The following TKTL1 variants were observed in gnomAD, a reference collection of about 807,000 sequenced individuals.
TKTL1 encodes the protein transketolase like 1, also known as transketolase-like protein 1.
Under a neutral mutation model 39.3 loss-of-function variants are expected in TKTL1, and 1 was observed. That is an observed-to-expected ratio of 0.03 (90% CI 0.01 to 0.12). TKTL1 has a LOEUF of 0.12. Among genes scored for constraint, TKTL1 ranks in the 10% least tolerant of loss-of-function variants. The probability of loss-of-function intolerance (pLI) is 1.00; values close to 1 mark genes in which losing one functional copy is unlikely to be tolerated. For missense variants in TKTL1, 575 were observed against 509.6 expected (o/e 1.13, Z -1.24); for synonymous variants, 262 against 193.8 (o/e 1.35, Z -2.92).
intron 2 of TKTL1, among the ~76,000 whole-genome samples, chrX:154,308,661 A>C (rs367723669): frequency 9.0e-6 from 1 of 110,742 alleles, no homozygotes; most frequent in East Asian, 2.9e-4. Flanking sequence ...GGGCCTCTCC[A>C]GTCAGTGCAG....
intron 1 of TKTL1, among the ~76,000 whole-genome samples, chrX:154,296,965 C>T (rs1237084252): frequency 8.9e-6 from 1 of 111,869 alleles, no homozygotes; most frequent in Non-Finnish European, 1.9e-5. Context: ...GCACTCCAGC[C>T]TGGGCAAGAG....
Position 154,303,379 on chromosome X carries a change from A to ATTTTT in TKTL1, c.135-1897_135-1893dup, listed in dbSNP as rs1172255094. On this transcript the variant is annotated intron_variant, in intron 1 of 12. Coordinates refer to ENST00000369915, the MANE Select transcript of TKTL1 (RefSeq NM_012253.4). ...AGGTGCATGCCACCCTGCCCAGCTA[A>ATTTTT]TTTTTTTTTTTTTTTTTTTTTTTTT... Among the ~76,000 whole-genome samples the ATTTTT allele has an allele frequency of 4.0e-3, 136 of 33,662 alleles. 11 individuals carry two copies. The highest frequency in any genetic ancestry group is 5.1e-3 in the Non-Finnish European group (98 of 19,393). 29.2% of individuals were successfully genotyped at this position (33,662 alleles called of 115,157 possible).
chrX:154,323,455 G>A, intron 9 of TKTL1, 118 bp downstream of exon 9: 1 of 878,433 alleles, frequency 1.1e-6, no homozygotes, highest in East Asian at 3.2e-5. Context: ...TAGAAAATTT[G>A]GTGATAGAAT....
intron 1 of TKTL1, among the ~76,000 whole-genome samples, chrX:154,302,445 C>G (rs1557166186): frequency 9.0e-6 from 1 of 111,149 alleles, no homozygotes; most frequent in African/African-American, 3.3e-5. Flanking sequence ...ATGGTCAGTT[C>G]TGGCGAGGAC....
At chrX:154,314,377 A>G (rs1407656619) in intron 6 of TKTL1, among the ~76,000 whole-genome samples, 3 of 111,733 alleles carry the variant, frequency 2.7e-5, no homozygotes, top group African/African-American at 9.8e-5. Flanking sequence ...TACATTAAAA[A>G]AATTAAATGA....
rs1557168637 is a variant in TKTL1 at position 154,312,737 on chromosome X, G to A, written c.828G>A (p.Arg276=). Residue 276 remains arginine (R), a synonymous_variant, in exon 6 of 13, where the codon AGG becomes AGA. Coordinates refer to ENST00000369915, the MANE Select transcript of TKTL1 (RefSeq NM_012253.4). ...CTGAAGTCAACATCACAGATGTAAG[G>A]ATGACCTCTCCACCTGATTACAGAG... is the stretch of plus-strand genomic sequence containing the variant. ...DSPEVNITDV[R]MTSPPDYRVG... The A allele has an allele frequency of 3.3e-6, 4 of 1,210,127 alleles. No individual in the cohort carries two copies. In the East Asian group the frequency reaches 8.9e-5, roughly 27 times the overall value.
rs782677354 is a variant in TKTL1 at position 154,327,604 on chromosome X, G to A, written c.1415G>A (p.Cys472Tyr). Residue 472 changes from cysteine (C) to tyrosine (Y), a missense_variant, in exon 11 of 13, where the codon TGT becomes TAT. Coordinates refer to ENST00000369915, the MANE Select transcript of TKTL1 (RefSeq NM_012253.4). Reference sequence around the variant, plus strand: ...GCACTATACCAGGTCCTCCGCCACTGTGTCAGTGACAAGGTCACAGTTATT... The same window carrying A: ...GCACTATACCAGGTCCTCCGCCACTATGTCAGTGACAAGGTCACAGTTATT... ...EIGQAKVLRHCVSDKVTVIGA... is the reference protein window; with the variant it reads ...EIGQAKVLRHYVSDKVTVIGA... 3 of 1,210,492 alleles carry A rather than the reference G, an allele frequency of 2.5e-6. No homozygotes were observed. Among genetic ancestry groups the A allele is most frequent in the Middle Eastern group, 2.3e-4 (1 of 4,348 alleles).
rs2067306873 is a variant in TKTL1 at position 154,305,324 on chromosome X, G to C, written c.155G>C (p.Ser52Thr). 8.3e-7 allele frequency: 1 copy of C among 1,208,321 alleles called. No individual in the cohort carries two copies. Among genetic ancestry groups the C allele is most frequent in the Non-Finnish European group, 1.1e-6 (1 of 892,849 alleles). Residue 52 changes from serine (S) to threonine (T), a missense_variant, in exon 2 of 13, where the codon AGT becomes ACT. Coordinates refer to ENST00000369915, the MANE Select transcript of TKTL1 (RefSeq NM_012253.4). ...TTCAGCCACCCTACATCATGTAGCA[G>C]TTCTTCTGAGATCATGTCTGTGCTG... Reference protein sequence around the residue: ...TSSGHPTSCSSSSEIMSVLFF... With the variant: ...TSSGHPTSCSTSSEIMSVLFF...
intron 10 of TKTL1, chrX:154,327,212 G>A (rs2067499621): frequency 3.0e-6 from 1 of 331,707 alleles, no homozygotes; most frequent in African/African-American, 2.6e-5. Context: ...CCACTGAACA[G>A]ATCTTACAGG....
At chrX:154,297,672 C>A (rs2148797132) in intron 1 of TKTL1, among the ~76,000 whole-genome samples, 1 of 111,422 alleles carries the variant, frequency 9.0e-6, no homozygotes, top group East Asian at 2.8e-4. Context: ...GGCGTGGTGG[C>A]TCCAACCTGT....
intron 2 of TKTL1, among the ~76,000 whole-genome samples, chrX:154,307,298 C>T (rs782381135): frequency 1.8e-5 from 2 of 111,779 alleles, no homozygotes; most frequent in African/African-American, 6.5e-5. Context: ...GGCTTTCTAT[C>T]GGGCAGCAGC....
At chrX:154,299,132 T>C (rs1258816078) in intron 1 of TKTL1, among the ~76,000 whole-genome samples, 4 of 107,502 alleles carry the variant, frequency 3.7e-5, no homozygotes, top group Non-Finnish European at 7.7e-5. Flanking sequence ...AAGGGATTTT[T>C]CATTTTCTTT....
At chrX:154,303,408 T>A (rs1399210636) in intron 1 of TKTL1, among the ~76,000 whole-genome samples, 1 of 87,099 alleles carries the variant, frequency 1.1e-5, no homozygotes, top group Non-Finnish European at 2.2e-5. Context: ...TTTTTTTTTT[T>A]TTTGGAAAGA....
intron 1 of TKTL1, 185 bp from the exon 2 acceptor site, chrX:154,305,119 G>A (rs782269913): frequency 3.1e-5 from 36 of 1,155,702 alleles, no homozygotes; most frequent in Non-Finnish European, 1.2e-6. Context: ...CACAGGGGGA[G>A]GGGTGGTGAG....
rs1001043583 is a variant in TKTL1 at position 154,325,203 on chromosome X, C to T, written c.1318-136C>T. 23 of 592,472 alleles carry T rather than the reference C, an allele frequency of 3.9e-5. No homozygotes were observed. The African/African-American group carries it at 4.0e-4, about 10-fold the overall frequency. The allele number at this position is 592,472 out of a possible 1,213,427, so 48.8% of individuals were successfully genotyped here. On this transcript the variant is annotated intron_variant, in intron 9 of 12. Coordinates refer to ENST00000369915, the MANE Select transcript of TKTL1 (RefSeq NM_012253.4). ...ACCTGTCGTCCACTGGTTGTAGATG[C>T]TCACCCCTTTCTCCAAAGCCTGTGT...
intron 10 of TKTL1, among the ~76,000 whole-genome samples, chrX:154,326,290 T>C (rs2067493088): frequency 8.9e-6 from 1 of 112,061 alleles, no homozygotes; most frequent in African/African-American, 3.2e-5. Context: ...GTCAGGGCCA[T>C]GCATAGAGAA....
In TKTL1 at chrX:154,315,095, A is replaced by G. The variant is rs782105910; in HGVS notation, c.865-78A>G. On this transcript the variant is annotated intron_variant, in intron 6 of 12. Transcript: ENST00000369915. ...AGATGATAATTTGTCATTCTACAAT[A>G]TGGTACCTTCCTTCTGTAGTCGTTC... 119 of 1,018,901 alleles carry G rather than the reference A, an allele frequency of 1.2e-4. No individual in the cohort carries two copies. In the South Asian group the frequency reaches 2.5e-3, roughly 21 times the overall value. The allele number at this position is 1,018,901 out of a possible 1,213,427, so 84.0% of individuals were successfully genotyped here. A position where few individuals can be genotyped will look rare whatever the true frequency, so the allele number is the denominator to read the frequency against.
chrX:154,300,541 C>T (rs970104655), intron 1 of TKTL1, among the ~76,000 whole-genome samples: 3 of 111,902 alleles, frequency 2.7e-5, no homozygotes, highest in African/African-American at 9.8e-5. Flanking sequence ...CTGTTTACAG[C>T]TGTTGTAAAA....
intron 12 of TKTL1, among the ~76,000 whole-genome samples, chrX:154,329,295 G>T (rs2067518825): frequency 8.9e-6 from 1 of 111,986 alleles, no homozygotes. Flanking sequence ...GAATCAGAGT[G>T]CCACAGACCC....
Sources: gnomAD v4.1 joint callset for allele counts (sites outside exome capture counted in the v4.1 genomes callset) on GRCh38, gnomAD v4.1.1 for gene constraint, MANE v1.5 for transcripts, NCBI Gene and HGNC (gene_info 2026-07-23, HGNC 2026-07-21) for gene names.